CCT6B: variants seen among roughly 807,000 people sequenced by gnomAD.
The protein encoded by CCT6B is probable T-complex protein 1 subunit zeta-2.
Under a neutral mutation model 61.5 loss-of-function variants are expected in CCT6B, and 49 were observed. That is an observed-to-expected ratio of 0.80 (90% CI 0.63 to 1.01). The LOEUF is 1.01. CCT6B is among the 50% of genes least tolerant of loss of function. CCT6B has a pLI of 0.00. For missense variants in CCT6B, 666 were observed against 634.7 expected (o/e 1.05, Z -0.53); for synonymous variants, 228 against 214.5 (o/e 1.06, Z -0.55).
intron 4 of CCT6B, among the ~76,000 whole-genome samples, chr17:34,953,097 C>A (rs545105270): frequency 6.6e-6 from 1 of 151,952 alleles, no homozygotes; most frequent in African/African-American, 2.4e-5. Context: ...TATTCCAGTA[C>A]ATTTGGCATT....
chr17:34,937,715 T>C (rs896407149), intron 10 of CCT6B, among the ~76,000 whole-genome samples: 2 of 152,090 alleles, frequency 1.3e-5, no homozygotes, highest in South Asian at 4.1e-4. Context: ...AAATTAGACT[T>C]CATCAAAATT....
In CCT6B at chr17:34,959,609, C is replaced by T. The variant is rs146300417; in HGVS notation, c.179G>A (p.Gly60Asp). 5.5e-5 allele frequency: 88 copies of T among 1,613,092 alleles called. No individual in the cohort carries two copies. The African/African-American group carries it at 1.0e-3, about 19-fold the overall frequency. The change falls in exon 2 of 14, where the codon GGC (glycine) becomes GAC (aspartate). Residue 60 changes from glycine to aspartate, a missense_variant. Transcript: ENST00000314144. Reference sequence around the variant, plus strand: ...CACCATCTCATCGAGCAGCACATTGCCATCTTTGGTGAGTTTGATGTCACC... The same window carrying T: ...CACCATCTCATCGAGCAGCACATTGTCATCTTTGGTGAGTTTGATGTCACC... ...GAGDIKLTKD[G>D]NVLLDEMQIQ...
At chr17:34,952,344 T>C (rs1227097602) in intron 4 of CCT6B, among the ~76,000 whole-genome samples, 1 of 152,136 alleles carries the variant, frequency 6.6e-6, no homozygotes, top group Non-Finnish European at 1.5e-5. Context: ...ATCTAACAGC[T>C]AGTAACAGGG....
intron 1 of CCT6B, among the ~76,000 whole-genome samples, chr17:34,960,540 A>G (rs916392999): frequency 3.3e-5 from 5 of 152,142 alleles, no homozygotes; most frequent in Non-Finnish European, 7.4e-5. Context: ...ATATGCATCT[A>G]TATATAATTA....
intron 3 of CCT6B, 101 bp downstream of exon 3, chr17:34,958,459 A>G: frequency 1.6e-6 from 1 of 629,278 alleles, no homozygotes; most frequent in Non-Finnish European, 2.4e-6. Flanking sequence ...TAATTAATTA[A>G]TTAATTAAAA....
intron 10 of CCT6B, 109 bp downstream of exon 10, chr17:34,939,074 A>G (rs2090128203): frequency 6.7e-6 from 6 of 896,422 alleles, no homozygotes; most frequent in South Asian, 2.3e-5. Context: ...ACAGAGGAAG[A>G]CTCTGTCTAA....
At chr17:34,954,731 T>C (rs1396688158) in intron 3 of CCT6B, 132 bp from the exon 4 acceptor site, 1 of 662,660 alleles carries the variant, frequency 1.5e-6, no homozygotes, top group African/African-American at 1.9e-5. Flanking sequence ...ACATAATTTA[T>C]AAAAGTCATT....
intron 5 of CCT6B, chr17:34,949,455 C>A (rs1236935895): frequency 8.4e-6 from 1 of 119,010 alleles, no homozygotes. Flanking sequence ...AGAGAAACAC[C>A]ATCTCAAAAA....
chr17:34,961,410 G>C lies in CCT6B; in HGVS notation c.-17C>G, dbSNP rs772246786. The C allele has an allele frequency of 2.5e-6, 4 of 1,575,336 alleles. No individual in the cohort carries two copies. Among genetic ancestry groups the C allele is most frequent in the Middle Eastern group, 1.7e-4 (1 of 5,832 alleles). On this transcript the variant is annotated 5_prime_UTR_variant, in exon 1 of 14. Transcript: ENST00000314144. ...CGCAGCCATAGCCTAACCGTTCAGA[G>C]GGAGAAAAAAAAAAAGCCTTAGTCG...
intron 5 of CCT6B, among the ~76,000 whole-genome samples, chr17:34,947,145 C>T (rs1190236522): frequency 2.0e-5 from 3 of 151,804 alleles, no homozygotes; most frequent in South Asian, 2.1e-4. Context: ...GAATGCAACA[C>T]GAAAGACAGC....
At chr17:34,930,371 G>C (rs954443734) in intron 12 of CCT6B, among the ~76,000 whole-genome samples, 1 of 152,168 alleles carries the variant, frequency 6.6e-6, no homozygotes, top group South Asian at 2.1e-4. Flanking sequence ...AAATGCCCCT[G>C]CATGATCTGA....
intron 3 of CCT6B, 69 bp from the exon 4 acceptor site, chr17:34,954,668 GATT>G (rs1186470468): frequency 1.6e-6 from 2 of 1,270,110 alleles, no homozygotes; most frequent in Non-Finnish European, 2.2e-6. Flanking sequence ...CAACCTGTCT[GATT>G]ATTATGTTCA....
At position 34,951,931 on chromosome 17, in the gene CCT6B, C is replaced by A; in HGVS notation, c.614+19G>T. The A allele has an allele frequency of 7.8e-7, 1 of 1,278,216 alleles. No homozygotes were observed. The highest frequency in any genetic ancestry group is 1.3e-5 in the South Asian group (1 of 75,776). 79.2% of individuals were successfully genotyped at this position (1,278,216 alleles called of 1,614,324 possible). A position where few individuals can be genotyped will look rare whatever the true frequency, so the allele number is the denominator to read the frequency against. ...AAAAATTCTAGAACCCATATGTTGT[C>A]AAAGCTTATGTAATTTACTTTGTAT... is the stretch of plus-strand genomic sequence containing the variant. On this transcript the variant is annotated intron_variant, in intron 5 of 13. Coordinates refer to ENST00000314144, the MANE Select transcript of CCT6B (RefSeq NM_006584.4).
chr17:34,943,822 A>C (rs1482632117), intron 5 of CCT6B: 1 of 151,256 alleles, frequency 6.6e-6, no homozygotes, highest in Admixed American at 6.6e-5. Context: ...ATTAAAAAGA[A>C]AAAAAATGGG....
intron 3 of CCT6B, among the ~76,000 whole-genome samples, chr17:34,956,326 T>C (rs1597762904): frequency 1.3e-5 from 2 of 152,194 alleles, no homozygotes; most frequent in South Asian, 2.1e-4. Context: ...TCCTCACCCC[T>C]TGCTCTTTTG....
intron 1 of CCT6B, 53 bp downstream of exon 1, chr17:34,961,204 A>T (rs2090411643): frequency 1.3e-6 from 2 of 1,551,204 alleles, no homozygotes; most frequent in Admixed American, 3.8e-5. Context: ...AGAGGGCGAC[A>T]GGACACCAAC....
chr17:34,942,745 AC>A, intron 6 of CCT6B, 50 bp downstream of exon 6: 1 of 1,501,492 alleles, frequency 6.7e-7, no homozygotes, highest in Non-Finnish European at 9.1e-7. Context: ...AGATTTTAAA[AC>A]ACCTTTAGAA....
chr17:34,961,128 C>A, intron 1 of CCT6B, 129 bp downstream of exon 1: 1 of 1,184,256 alleles, frequency 8.4e-7, no homozygotes, highest in Non-Finnish European at 1.2e-6. Context: ...ACCCCCAGAG[C>A]AGGGATGAGA....
At chr17:34,958,332 T>C (rs1241876648) in intron 3 of CCT6B, among the ~76,000 whole-genome samples, 2 of 152,066 alleles carry the variant, frequency 1.3e-5, no homozygotes, top group African/African-American at 4.8e-5. Flanking sequence ...TAATCCCAGC[T>C]ACTCGGGAAG....
Sources: gnomAD v4.1 joint callset for allele counts (sites outside exome capture counted in the v4.1 genomes callset) on GRCh38, gnomAD v4.1.1 for gene constraint, MANE v1.5 for transcripts, NCBI Gene and HGNC (gene_info 2026-07-23, HGNC 2026-07-21) for gene names.